The following WDR64 variants were observed in gnomAD, a reference collection of about 807,000 sequenced individuals.
WDR64 encodes the protein WD repeat-containing protein 64.
A neutral mutation model predicts 139.3 loss-of-function variants in WDR64; 112 were observed. The observed-to-expected ratio is 0.80, with a 90% confidence interval of 0.69 to 0.94. The LOEUF (loss-of-function observed/expected upper bound fraction) is 0.94, where lower values mean the gene tolerates loss of function less well. WDR64 is among the 40% of genes least tolerant of loss of function. WDR64 has a pLI of 0.00. For synonymous variants in WDR64, 444 were observed against 437.7 expected (o/e 1.01, Z -0.18); for missense variants, 1,206 against 1,293.1 (o/e 0.93, Z 1.03).
At chr1:241,783,688 T>G (rs1209813771) in intron 23 of WDR64, among the ~76,000 whole-genome samples, 2 of 152,106 alleles carry the variant, frequency 1.3e-5, no homozygotes, top group Non-Finnish European at 2.9e-5. Flanking sequence ...TCTCGGAGAG[T>G]TAGACCCAAG....
chr1:241,748,327 T>A (rs1437851345), intron 13 of WDR64, among the ~76,000 whole-genome samples: 2 of 152,170 alleles, frequency 1.3e-5, no homozygotes, highest in African/African-American at 4.8e-5. Flanking sequence ...AGAAATTGAT[T>A]TCTCTCAGTT....
intron 1 of WDR64, among the ~76,000 whole-genome samples, chr1:241,653,005 T>C (rs143071811): frequency 7.9e-4 from 120 of 152,352 alleles, no homozygotes; most frequent in African/African-American, 2.7e-3. Flanking sequence ...AAAGATATCA[T>C]GAGACCATAA....
intron 1 of WDR64, among the ~76,000 whole-genome samples, chr1:241,655,705 C>CTTTTTCT (rs1229698453): frequency 3.0e-3 from 86 of 28,972 alleles, no homozygotes; most frequent in Middle Eastern, 0.019. Context: ...TTTTTCTTTT[C>CTTTTTCT]TTTTTTTTTT....
At position 241,757,458 on chromosome 1, in the gene WDR64, A is replaced by T. The variant is rs573500108; in HGVS notation, c.1946A>T (p.Asp649Val). 15 of 1,602,680 alleles carry T rather than the reference A, an allele frequency of 9.4e-6. No homozygotes were observed. The highest frequency in any genetic ancestry group is 1.7e-4 in the Middle Eastern group (1 of 6,000). The change falls in exon 15 of 28, where the codon GAT becomes GTT. Residue 649 changes from aspartate to valine, a missense_variant and splice_region_variant. Asp to Val is a radical substitution (Grantham distance 152, BLOSUM62 -3). Coordinates refer to ENST00000437684, the MANE Select transcript of WDR64 (RefSeq NM_001367482.1). ...GAGAGGAACTTTTCTCAACCTACTGATGTAAGTTTCCTCTCTTGGTTTCTT... is the reference window on the plus strand; with the variant it reads ...GAGAGGAACTTTTCTCAACCTACTGTTGTAAGTTTCCTCTCTTGGTTTCTT... Reference protein sequence around the residue: ...IVERNFSQPTDNPTMDLLRVN... With the variant: ...IVERNFSQPTVNPTMDLLRVN...
At chr1:241,721,918 G>A (rs1200896822) in intron 9 of WDR64, among the ~76,000 whole-genome samples, 4 of 152,062 alleles carry the variant, frequency 2.6e-5, no homozygotes, top group African/African-American at 7.2e-5. Flanking sequence ...ATTCACTGGC[G>A]AAAACTCAGT....
chr1:241,763,191 G>C (rs1279264688), intron 15 of WDR64, among the ~76,000 whole-genome samples: 5 of 151,694 alleles, frequency 3.3e-5, no homozygotes, highest in Admixed American at 2.6e-4. Context: ...GTCAGAACCA[G>C]GCAGTTAACA....
chr1:241,767,228 T>G (rs1658213235), intron 16 of WDR64, among the ~76,000 whole-genome samples: 2 of 152,206 alleles, frequency 1.3e-5, no homozygotes, highest in South Asian at 2.1e-4. Flanking sequence ...TATTACAGAT[T>G]GGGGCTAACA....
At chr1:241,680,694 G>A (rs1033090116) in intron 6 of WDR64, among the ~76,000 whole-genome samples, 3 of 152,112 alleles carry the variant, frequency 2.0e-5, no homozygotes, top group Non-Finnish European at 2.9e-5. Context: ...CTGGAGGGAT[G>A]CCCTAGCCCT....
chr1:241,694,961 T>G (rs1667427491), intron 8 of WDR64, among the ~76,000 whole-genome samples: 1 of 152,146 alleles, frequency 6.6e-6, no homozygotes, highest in South Asian at 2.1e-4. Context: ...AAAATTTAAG[T>G]GGTAAGATAA....
intron 8 of WDR64, among the ~76,000 whole-genome samples, chr1:241,689,066 G>T (rs1667115353): frequency 6.6e-6 from 1 of 152,034 alleles, no homozygotes; most frequent in African/African-American, 2.4e-5. Context: ...CTAACCTCTG[G>T]TCGCACCTAA....
chr1:241,723,314 C>A lies in WDR64; in HGVS notation c.1072C>A (p.Arg358=). The A allele has an allele frequency of 6.2e-7, 1 of 1,613,782 alleles. No individual in the cohort carries two copies. The highest frequency in any genetic ancestry group is 8.5e-7 in the Non-Finnish European group (1 of 1,179,832). Residue 358 remains arginine (R), a synonymous_variant, in exon 10 of 28, where the codon CGG becomes AGG. Coordinates refer to ENST00000437684, the MANE Select transcript of WDR64 (RefSeq NM_001367482.1). ...CTTTTCAGGAGATGATAAGGTCATC[C>A]GGTTGTGGCACCCCAATATCAGCAC... The part of the protein sequence containing the change: ...IVTGGDDKVI[R]LWHPNISTKP...
chr1:241,652,808 CTTTTGTTTTGTTTTGT>C (rs1165560088), intron 1 of WDR64, among the ~76,000 whole-genome samples, 179 bp downstream of exon 1: 2 of 152,132 alleles, frequency 1.3e-5, no homozygotes, highest in Admixed American at 6.5e-5. Context: ...CATGAGGAAG[CTTTTGTTTTGTTTTGT>C]TTTTGTTTTT....
intron 8 of WDR64, among the ~76,000 whole-genome samples, chr1:241,709,584 A>G (rs1018512909): frequency 2.0e-5 from 3 of 152,192 alleles, no homozygotes; most frequent in African/African-American, 7.2e-5. Context: ...ATTGCACTCC[A>G]GCCTGGGTAA....
chr1:241,683,760 G>C, intron 7 of WDR64, 59 bp downstream of exon 7: 1 of 1,300,808 alleles, frequency 7.7e-7, no homozygotes, highest in Non-Finnish European at 1.0e-6. Flanking sequence ...TTGCAAGTAA[G>C]CTTTATGGTA....
chr1:241,687,052 C>T (rs747809470), intron 7 of WDR64, among the ~76,000 whole-genome samples: 23 of 152,024 alleles, frequency 1.5e-4, no homozygotes, highest in Non-Finnish European at 2.8e-4. Context: ...TGCCTGTAAC[C>T]CCAGTACTTT....
chr1:241,687,828 T>C (rs1328339610), intron 8 of WDR64, among the ~76,000 whole-genome samples: 1 of 152,226 alleles, frequency 6.6e-6, no homozygotes, highest in African/African-American at 2.4e-5. Flanking sequence ...TTTATTTCTA[T>C]CATCTACTGA....
At chr1:241,659,869 C>G (rs1196962055) in intron 1 of WDR64, among the ~76,000 whole-genome samples, 1 of 152,122 alleles carries the variant, frequency 6.6e-6, no homozygotes, top group African/African-American at 2.4e-5. Flanking sequence ...TCTGTTCACT[C>G]CGATGATAGT....
intron 25 of WDR64, among the ~76,000 whole-genome samples, chr1:241,791,640 C>A (rs1659217233): frequency 6.6e-6 from 1 of 151,892 alleles, no homozygotes; most frequent in African/African-American, 2.4e-5. Context: ...CCACTTCACT[C>A]TAGCTTGGGC....
chr1:241,705,559 A>AAATTAATAAT (rs1553368512), intron 8 of WDR64, among the ~76,000 whole-genome samples: 5 of 136,668 alleles, frequency 3.7e-5, no homozygotes, highest in Non-Finnish European at 7.7e-5. Context: ...ATAAATAAAT[A>AAATTAATAAT]AATAATAATA....
Sources: allele counts gnomAD v4.1 joint callset (sites outside exome capture counted in the v4.1 genomes callset), GRCh38; gene constraint gnomAD v4.1.1; transcripts MANE v1.5; gene names NCBI Gene and HGNC (gene_info 2026-07-23, HGNC 2026-07-21).